MALRD1: variants seen among roughly 807,000 people sequenced by gnomAD.
MALRD1 encodes the protein MAM and LDL receptor class A domain containing 1, also known as MAM and LDL-receptor class A domain-containing protein 1.
MALRD1 carries 247 observed loss-of-function variants against 242.1 expected under a neutral mutation model. That is an observed-to-expected ratio of 1.02 (90% CI 0.92 to 1.13). The LOEUF (loss-of-function observed/expected upper bound fraction) is 1.13, where lower values mean the gene tolerates loss of function less well. MALRD1 is among the 50% of genes most tolerant of loss of function. The probability of loss-of-function intolerance (pLI) is 0.00; values close to 1 mark genes in which losing one functional copy is unlikely to be tolerated. For missense variants in MALRD1, 2,989 were observed against 2,533.1 expected (o/e 1.18, Z -3.86); for synonymous variants, 995 against 866.6 (o/e 1.15, Z -2.60).
At chr10:19,119,432 G>C (rs1390729263) in intron 5 of MALRD1, among the ~76,000 whole-genome samples, 1 of 152,136 alleles carries the variant, frequency 6.6e-6, no homozygotes, top group African/African-American at 2.4e-5. Context: ...GAGCATTCAG[G>C]GATCAGAGTT....
intron 32 of MALRD1, among the ~76,000 whole-genome samples, chr10:19,541,153 A>C (rs2131376712): frequency 6.6e-6 from 1 of 152,292 alleles, no homozygotes; most frequent in Admixed American, 6.5e-5. Flanking sequence ...TCATTTTCAA[A>C]GTATATTTTA....
intron 32 of MALRD1, among the ~76,000 whole-genome samples, chr10:19,532,551 C>T (rs7084915): frequency 0.7 from 106,362 of 152,026 alleles, 40,613 homozygotes; most frequent in Non-Finnish European, 0.84. Flanking sequence ...ACCATGCCCC[C>T]CTTCTCAAAA....
chr10:19,074,565 T>C (rs957318585), intron 2 of MALRD1, among the ~76,000 whole-genome samples: 3 of 152,100 alleles, frequency 2.0e-5, no homozygotes, highest in African/African-American at 7.2e-5. Flanking sequence ...CAGAGTTATA[T>C]GTCAGTGATG....
At chr10:19,070,500 A>G (rs962180740) in intron 2 of MALRD1, among the ~76,000 whole-genome samples, 31 of 152,286 alleles carry the variant, frequency 2.0e-4, no homozygotes, top group African/African-American at 7.5e-4. Context: ...GATTGCCTGC[A>G]TTGTATTTTT....
At chr10:19,458,253 T>C (rs1835763274) in intron 29 of MALRD1, among the ~76,000 whole-genome samples, 1 of 152,198 alleles carries the variant, frequency 6.6e-6, no homozygotes, top group Non-Finnish European at 1.5e-5. Flanking sequence ...TTGAAGTAAC[T>C]AAATCCCTGC....
chr10:19,381,747 G>A, intron 26 of MALRD1, among the ~76,000 whole-genome samples: 1 of 151,998 alleles, frequency 6.6e-6, no homozygotes, highest in East Asian at 1.9e-4. Context: ...GCTGAGGCAG[G>A]AGAATTGCTT....
chr10:19,166,042 C>T (rs1834673003), intron 13 of MALRD1, among the ~76,000 whole-genome samples: 2 of 152,198 alleles, frequency 1.3e-5, no homozygotes, highest in Non-Finnish European at 1.5e-5. Context: ...AGAGATCAAA[C>T]ACATGATCTG....
intron 38 of MALRD1, among the ~76,000 whole-genome samples, chr10:19,694,542 A>G (rs1316170296): frequency 6.6e-6 from 1 of 152,248 alleles, no homozygotes; most frequent in Admixed American, 6.5e-5. Flanking sequence ...CACACCAGTT[A>G]GAATGGCGAT....
At chr10:19,205,300 A>T (rs1372890581) in intron 17 of MALRD1, 35 bp downstream of exon 17, 1 of 1,503,674 alleles carries the variant, frequency 6.7e-7, no homozygotes, top group Admixed American at 2.2e-5. Flanking sequence ...TCTCTTTCTC[A>T]TTTTGAAAGT....
intron 30 of MALRD1, among the ~76,000 whole-genome samples, chr10:19,492,515 C>G (rs1837537114): frequency 6.6e-6 from 1 of 152,134 alleles, no homozygotes; most frequent in Non-Finnish European, 1.5e-5. Flanking sequence ...TCTCTTGATA[C>G]TCTTTGGTCT....
intron 21 of MALRD1, among the ~76,000 whole-genome samples, chr10:19,319,443 T>C: frequency 6.6e-6 from 1 of 152,168 alleles, no homozygotes; most frequent in South Asian, 2.1e-4. Context: ...TCCAAATACA[T>C]GTGGATCTGT....
At chr10:19,487,172 G>C (rs911307266) in intron 29 of MALRD1, among the ~76,000 whole-genome samples, 4 of 151,850 alleles carry the variant, frequency 2.6e-5, no homozygotes, top group Non-Finnish European at 5.9e-5. Context: ...ATCAAATATA[G>C]AATATGTGAG....
chr10:19,200,661 T>TTTGTTTTGTTTTTG (rs1564462039), intron 14 of MALRD1, among the ~76,000 whole-genome samples: 5 of 147,034 alleles, frequency 3.4e-5, no homozygotes, highest in African/African-American at 1.3e-4. Flanking sequence ...TTTTTTTTTT[T>TTTGTTTTGTTTTTG]TTTTTTTTTT....
chr10:19,272,681 C>G (rs573474277), intron 19 of MALRD1, among the ~76,000 whole-genome samples: 43 of 152,262 alleles, frequency 2.8e-4, no homozygotes, highest in African/African-American at 9.2e-4. Flanking sequence ...TATCCCTCCC[C>G]TTGCCCTCCA....
chr10:19,199,180 A>G (rs1836406226), intron 14 of MALRD1, among the ~76,000 whole-genome samples: 1 of 152,132 alleles, frequency 6.6e-6, no homozygotes. Flanking sequence ...GGAAAAAAAA[A>G]TCTTTAAAGG....
chr10:19,707,195 T>C (rs556382809), intron 38 of MALRD1, among the ~76,000 whole-genome samples: 22 of 151,246 alleles, frequency 1.5e-4, no homozygotes, highest in African/African-American at 5.3e-4. Context: ...TCCTCCTCCT[T>C]CTCTTCCTCC....
chr10:19,061,027 C>A (rs972741075), intron 1 of MALRD1, among the ~76,000 whole-genome samples: 1 of 152,102 alleles, frequency 6.6e-6, no homozygotes, highest in African/African-American at 2.4e-5. Context: ...AACAGAAAAC[C>A]AAACACCACA....
rs1023595081 is a variant in MALRD1, at chr10:19,584,797, G to A, written c.5681-10397G>A. On this transcript the variant is annotated intron_variant, in intron 33 of 39. Transcript: ENST00000454679. Reference sequence around the variant, plus strand: ...GGTATTGTTGTTGACTTTCTGTCTTGTTGATCTGTCTAATGTTGACAGTGG... The same window carrying A: ...GGTATTGTTGTTGACTTTCTGTCTTATTGATCTGTCTAATGTTGACAGTGG... Among the ~76,000 whole-genome samples, 3 of 152,154 alleles carry A rather than the reference G, an allele frequency of 2.0e-5. No individual in the cohort carries two copies. The South Asian group carries it at 6.2e-4, about 32-fold the overall frequency.
At chr10:19,185,596 A>T (rs993442355) in intron 14 of MALRD1, among the ~76,000 whole-genome samples, 1 of 152,324 alleles carries the variant, frequency 6.6e-6, no homozygotes, top group Non-Finnish European at 1.5e-5. Context: ...AAATATGTGC[A>T]TTAGACACTG....
Sources: allele counts gnomAD v4.1 joint callset (sites outside exome capture counted in the v4.1 genomes callset), GRCh38; gene constraint gnomAD v4.1.1; transcripts MANE v1.5; gene names NCBI Gene and HGNC (gene_info 2026-07-23, HGNC 2026-07-21).